The following UNC13C variants were observed in gnomAD, a reference collection of about 807,000 sequenced individuals.
The protein encoded by UNC13C is protein unc-13 homolog C.
UNC13C carries 174 observed loss-of-function variants against 245.4 expected under a neutral mutation model. The observed-to-expected ratio is 0.71, with a 90% CI of 0.63 to 0.80. The LOEUF is 0.80. Ranked by LOEUF, UNC13C falls within the 30% of genes least tolerant of loss-of-function variation. UNC13C has a pLI of 0.00. For missense variants in UNC13C, 2,829 were observed against 2,602.9 expected (o/e 1.09, Z -1.89); for synonymous variants, 992 against 895.1 (o/e 1.11, Z -1.93).
intron 19 of UNC13C, among the ~76,000 whole-genome samples, chr15:54,462,798 C>T (rs917344624): frequency 4.6e-5 from 7 of 152,206 alleles, no homozygotes; most frequent in South Asian, 2.1e-4. Context: ...TGCTCCACAG[C>T]GTCTGGTCCC....
At chr15:54,395,541 G>A (rs2040052460) in intron 18 of UNC13C, among the ~76,000 whole-genome samples, 2 of 151,872 alleles carry the variant, frequency 1.3e-5, no homozygotes, top group South Asian at 4.1e-4. Flanking sequence ...CACTAACAAT[G>A]AAGGCACAGA....
At chr15:54,605,673 A>C (rs1404734639) in intron 30 of UNC13C, among the ~76,000 whole-genome samples, 1 of 152,322 alleles carries the variant, frequency 6.6e-6, no homozygotes, top group East Asian at 1.9e-4. Flanking sequence ...TTAATGCTTG[A>C]AATGCAGGTG....
At chr15:54,004,387 A>G (rs1189500022) in intron 1 of UNC13C, among the ~76,000 whole-genome samples, 1 of 152,218 alleles carries the variant, frequency 6.6e-6, no homozygotes, top group Non-Finnish European at 1.5e-5. Flanking sequence ...TATATGTACC[A>G]CATTTATTTA....
At chr15:54,326,884 A>C (rs981921150) in intron 14 of UNC13C, among the ~76,000 whole-genome samples, 3 of 152,092 alleles carry the variant, frequency 2.0e-5, no homozygotes, top group Non-Finnish European at 4.4e-5. Context: ...CAAGCTTGTT[A>C]AACACAGCCA....
chr15:54,426,276 G>T (rs2040757206), intron 19 of UNC13C, among the ~76,000 whole-genome samples: 2 of 149,672 alleles, frequency 1.3e-5, no homozygotes, highest in Admixed American at 6.7e-5. Flanking sequence ...TACAGGACTT[G>T]GCCTCATCTG....
intron 13 of UNC13C, among the ~76,000 whole-genome samples, chr15:54,317,862 A>G (rs185637631): frequency 1.3e-5 from 2 of 151,952 alleles, no homozygotes; most frequent in East Asian, 3.9e-4. Context: ...AAAATGTTAT[A>G]TCCTTTGACC....
chr15:53,863,876 C>G, the UNC13C span, among the ~76,000 whole-genome samples: 1 of 152,112 alleles, frequency 6.6e-6, no homozygotes, highest in African/African-American at 2.4e-5. Flanking sequence ...GCCAGTGATG[C>G]CCCTTGATGA....
intron 17 of UNC13C, among the ~76,000 whole-genome samples, chr15:54,375,843 G>A (rs2039595296): frequency 6.6e-6 from 1 of 152,196 alleles, no homozygotes; most frequent in Admixed American, 6.5e-5. Flanking sequence ...CAGCGGAGCT[G>A]TGCCTGGACT....
chr15:54,057,411 C>T (rs62009790), intron 2 of UNC13C, among the ~76,000 whole-genome samples: 23,415 of 150,664 alleles, frequency 0.16, 1,833 homozygotes, highest in Admixed American at 0.2. Flanking sequence ...GAAGAGCTAA[C>T]TATCCTAAAT....
At chr15:54,534,234 A>G (rs1241025294) in intron 26 of UNC13C, among the ~76,000 whole-genome samples, 1 of 152,072 alleles carries the variant, frequency 6.6e-6, no homozygotes, top group Non-Finnish European at 1.5e-5. Context: ...CTTGTCCTTG[A>G]GGAGACAGAA....
chr15:54,049,170 C>T, intron 2 of UNC13C: 1 of 427,694 alleles, frequency 2.3e-6, no homozygotes, highest in Non-Finnish European at 4.6e-6. Flanking sequence ...TAATAGTTTT[C>T]CAGTTGATAC....
At chr15:54,058,612 G>T (rs1218230674) in intron 2 of UNC13C, among the ~76,000 whole-genome samples, 1 of 152,172 alleles carries the variant, frequency 6.6e-6, no homozygotes, top group East Asian at 1.9e-4. Context: ...CTCATTTTAT[G>T]AGGCCAGCAT....
At chr15:53,884,033 G>C in the UNC13C span, among the ~76,000 whole-genome samples, 1 of 152,098 alleles carries the variant, frequency 6.6e-6, no homozygotes, top group South Asian at 2.1e-4. Flanking sequence ...GTGATCCTGG[G>C]GAAATGATGC....
intron 30 of UNC13C, among the ~76,000 whole-genome samples, chr15:54,590,145 T>TTCTGTTCC (rs1898709130): frequency 6.6e-6 from 1 of 152,220 alleles, no homozygotes; most frequent in South Asian, 2.1e-4. Context: ...TCCATTGGTA[T>TTCTGTTCC]ATGTGCCTAT....
chr15:54,166,331 A>C (rs2033161009), intron 4 of UNC13C, among the ~76,000 whole-genome samples: 1 of 152,092 alleles, frequency 6.6e-6, no homozygotes, highest in Non-Finnish European at 1.5e-5. Context: ...ATGAAAAAAT[A>C]TTACTTATTC....
intron 4 of UNC13C, among the ~76,000 whole-genome samples, chr15:54,155,489 T>C (rs1024060833): frequency 9.9e-5 from 15 of 152,204 alleles, no homozygotes; most frequent in African/African-American, 3.6e-4. Flanking sequence ...TTTTTGACAA[T>C]AGAGTATAAT....
intron 19 of UNC13C, among the ~76,000 whole-genome samples, chr15:54,458,362 G>T (rs1431955805): frequency 6.6e-6 from 1 of 152,042 alleles, no homozygotes; most frequent in East Asian, 1.9e-4. Context: ...ATATTCTGCA[G>T]TTGTTGGTTA....
At chr15:54,442,266 T>C (rs1367306545) in intron 19 of UNC13C, among the ~76,000 whole-genome samples, 1 of 151,174 alleles carries the variant, frequency 6.6e-6, no homozygotes, top group Non-Finnish European at 1.5e-5. Context: ...TTTTTTTTTT[T>C]TTGAGACAGG....
rs192529365 is a variant in UNC13C at position 54,627,744 on chromosome 15, T to G, written c.*631T>G. ...GCAATGCTAGAGTTTGTTAACAATG[T>G]TTGATATATATTGACAAAACTTTGT... On this transcript the variant is annotated 3_prime_UTR_variant, in exon 33 of 33. Coordinates refer to ENST00000260323, the MANE Select transcript of UNC13C (RefSeq NM_001080534.3). 2.8e-3 allele frequency: 431 copies of G among 152,742 alleles called. 3 individuals are homozygous for G. The highest frequency in any genetic ancestry group is 3.4e-3 in the Middle Eastern group (1 of 294). 9.5% of individuals were successfully genotyped at this position (152,742 alleles called of 1,614,324 possible). A position where few individuals can be genotyped will look rare whatever the true frequency, so the allele number is the denominator to read the frequency against.
Sources: allele counts gnomAD v4.1 joint callset (sites outside exome capture counted in the v4.1 genomes callset), GRCh38; gene constraint gnomAD v4.1.1; transcripts MANE v1.5; gene names NCBI Gene and HGNC (gene_info 2026-07-23, HGNC 2026-07-21).